The following GOLGA4 variants were observed in gnomAD, a reference collection of about 807,000 sequenced individuals.
GOLGA4 encodes golgin A4.
A neutral mutation model predicts 265.9 loss-of-function variants in GOLGA4; 169 were observed. That is an observed-to-expected ratio of 0.64 (90% CI 0.56 to 0.72). GOLGA4 has a LOEUF of 0.72. GOLGA4 is among the 30% of genes least tolerant of loss of function. The pLI is 0.00. For synonymous variants in GOLGA4, 923 were observed against 855.8 expected (o/e 1.08, Z -1.37); for missense variants, 2,482 against 2,483.4 (o/e 1.00, Z 0.01).
At chr3:37,299,205 A>G (rs2096886532) in intron 8 of GOLGA4, 83 bp from the exon 9 acceptor site, 4 of 1,005,460 alleles carry the variant, frequency 4.0e-6, no homozygotes, top group East Asian at 4.9e-5. Context: ...TGTAACATGT[A>G]TATAAATTAG....
chr3:37,310,329 G>A (rs921735031), intron 10 of GOLGA4, among the ~76,000 whole-genome samples: 2 of 152,150 alleles, frequency 1.3e-5, no homozygotes, highest in Non-Finnish European at 2.9e-5. Context: ...CCTAAGAAGT[G>A]CTGGAGTAGC....
At chr3:37,281,726 T>G (rs1464962588) in intron 2 of GOLGA4, among the ~76,000 whole-genome samples, 2 of 152,226 alleles carry the variant, frequency 1.3e-5, no homozygotes, top group Non-Finnish European at 2.9e-5. Flanking sequence ...AAGGGCATTC[T>G]ACCTCTAGGT....
At chr3:37,270,897 C>T (rs2096796911) in intron 2 of GOLGA4, among the ~76,000 whole-genome samples, 2 of 151,622 alleles carry the variant, frequency 1.3e-5, no homozygotes, top group South Asian at 4.2e-4. Context: ...TAACTCGTGA[C>T]AATGTAGAAT....
intron 5 of GOLGA4, among the ~76,000 whole-genome samples, chr3:37,292,565 A>G (rs1427330890): frequency 1.2e-4 from 19 of 152,146 alleles, no homozygotes; most frequent in Admixed American, 1.2e-3. Flanking sequence ...ACGCACCTGT[A>G]GTCCCAGCTA....
intron 21 of GOLGA4, among the ~76,000 whole-genome samples, chr3:37,354,900 A>G (rs2097086226): frequency 6.6e-6 from 1 of 152,142 alleles, no homozygotes; most frequent in Non-Finnish European, 1.5e-5. Context: ...TTAAAATAAT[A>G]TGTGTAGACA....
intron 5 of GOLGA4, 104 bp downstream of exon 5, chr3:37,289,395 C>G (rs1192662624): frequency 1.5e-6 from 1 of 684,982 alleles, no homozygotes; most frequent in African/African-American, 1.8e-5. Context: ...ATTAGTTATA[C>G]TAATAACTAA....
intron 2 of GOLGA4, chr3:37,276,447 A>T: frequency 1.2e-6 from 2 of 1,610,854 alleles, no homozygotes; most frequent in East Asian, 4.5e-5. Flanking sequence ...CAGATGGCCA[A>T]GACTGGTGGG....
intron 4 of GOLGA4, among the ~76,000 whole-genome samples, chr3:37,286,439 C>T (rs1040682205): frequency 6.6e-6 from 1 of 152,094 alleles, no homozygotes; most frequent in Non-Finnish European, 1.5e-5. Context: ...AGGCGTGAGC[C>T]ACCGCGCCCG....
chr3:37,257,981 ATATG>A (rs1401965401), intron 2 of GOLGA4, among the ~76,000 whole-genome samples: 1 of 103,520 alleles, frequency 9.7e-6, no homozygotes, highest in Non-Finnish European at 1.8e-5. Flanking sequence ...ATACATATAT[ATATG>A]TATGTATATA....
chr3:37,291,320 T>C (rs1202806756), intron 5 of GOLGA4, among the ~76,000 whole-genome samples: 1 of 152,152 alleles, frequency 6.6e-6, no homozygotes, highest in East Asian at 1.9e-4. Flanking sequence ...AGAGCCCTTG[T>C]CTGAGGGAGT....
intron 10 of GOLGA4, among the ~76,000 whole-genome samples, chr3:37,304,905 T>A (rs2096902012): frequency 6.6e-6 from 1 of 152,182 alleles, no homozygotes; most frequent in Non-Finnish European, 1.5e-5. Flanking sequence ...TAAAATTTTT[T>A]CTATTAATAC....
intron 9 of GOLGA4, among the ~76,000 whole-genome samples, chr3:37,300,466 T>C (rs562735157): frequency 1.3e-5 from 2 of 152,198 alleles, no homozygotes; most frequent in East Asian, 3.9e-4. Context: ...TATACACTTC[T>C]TGAGGGCCTA....
intron 13 of GOLGA4, among the ~76,000 whole-genome samples, chr3:37,323,116 C>CTTTTTTTTT (rs567838649): frequency 8.8e-6 from 1 of 114,168 alleles, no homozygotes; most frequent in African/African-American, 3.2e-5. Context: ...TTCCTTTTGT[C>CTTTTTTTTT]TTTTTTTTTT....
At chr3:37,338,713 A>G (rs1009341460) in intron 19 of GOLGA4, among the ~76,000 whole-genome samples, 2 of 151,306 alleles carry the variant, frequency 1.3e-5, no homozygotes, top group Non-Finnish European at 2.9e-5. Context: ...CCAAGAGGAA[A>G]CTCCATACCC....
At chr3:37,298,184 C>T (rs1052989886) in intron 7 of GOLGA4, among the ~76,000 whole-genome samples, 2 of 152,156 alleles carry the variant, frequency 1.3e-5, no homozygotes, top group African/African-American at 4.8e-5. Context: ...GAGTAATTCA[C>T]GCAGAGCCGA....
chr3:37,346,725 C>T (rs2097057645), intron 20 of GOLGA4, among the ~76,000 whole-genome samples: 1 of 152,152 alleles, frequency 6.6e-6, no homozygotes. Context: ...GTTTTAAAAG[C>T]AGTGCCAAAT....
chr3:37,272,521 A>G (rs2096801459), intron 2 of GOLGA4, among the ~76,000 whole-genome samples: 2 of 152,306 alleles, frequency 1.3e-5, no homozygotes, highest in South Asian at 4.1e-4. Context: ...TGGGCAATGG[A>G]GCAAGACCCT....
At position 37,298,900 on chromosome 3, in the gene GOLGA4, A is replaced by T. The variant is rs757594356; in HGVS notation, c.882A>T (p.Leu294=). 2.5e-6 allele frequency: 4 copies of T among 1,613,730 alleles called. No individual in the cohort carries two copies. The Admixed American group carries it at 6.7e-5, about 27-fold the overall frequency. ...LQQRVKRQEN[L]LKRCKETIQS... ...AAAGAGTGAAGCGTCAAGAGAACCT[A>T]CTTAAGCGTTGTAAGGAAACAATTC... Residue 294 remains leucine, a synonymous_variant, in exon 8 of 24, where the codon CTA becomes CTT. Transcript: ENST00000361924.
intron 22 of GOLGA4, among the ~76,000 whole-genome samples, chr3:37,356,784 A>G (rs2097092075): frequency 6.6e-6 from 1 of 152,172 alleles, no homozygotes; most frequent in Admixed American, 6.5e-5. Context: ...TTTAAATGAT[A>G]TAAAAGGGCT....
Sources: gnomAD v4.1 joint callset for allele counts (sites outside exome capture counted in the v4.1 genomes callset) on GRCh38, gnomAD v4.1.1 for gene constraint, MANE v1.5 for transcripts, NCBI Gene and HGNC (gene_info 2026-07-23, HGNC 2026-07-21) for gene names.